The following ANGPTL2 variants were observed in gnomAD, a reference collection of about 807,000 sequenced individuals.
The protein encoded by ANGPTL2 is angiopoietin-related protein 2.
In ANGPTL2, 25 loss-of-function variants were observed where a neutral mutation model predicts 52.8. The observed-to-expected ratio is 0.47, with a 90% confidence interval of 0.35 to 0.66. The LOEUF (loss-of-function observed/expected upper bound fraction) is 0.66, where lower values mean the gene tolerates loss of function less well. Ranked by LOEUF, ANGPTL2 falls within the 30% of genes least tolerant of loss-of-function variation. The probability of loss-of-function intolerance (pLI) is 0.01; values close to 1 mark genes in which losing one functional copy is unlikely to be tolerated. For missense variants in ANGPTL2, 546 were observed against 656.9 expected (o/e 0.83, Z 1.84); for synonymous variants, 276 against 277.4 (o/e 1.00, Z 0.05).
At chr9:127,101,269 G>A (rs1171227492) in intron 2 of ANGPTL2, among the ~76,000 whole-genome samples, 1 of 152,228 alleles carries the variant, frequency 6.6e-6, no homozygotes, top group Non-Finnish European at 1.5e-5. Context: ...GCACCTGTGA[G>A]AAAGCCAGGG....
Position 127,093,804 on chromosome 9 carries a change from C to T in ANGPTL2, c.940G>A (p.Gly314Arg), listed in dbSNP as rs1331228081. Reference protein sequence around the residue: ...QVWCDQRHDPGGWTVIQRRLD... With the variant: ...QVWCDQRHDPRGWTVIQRRLD... ...CGTCTCTGGATGACGGTCCAGCCCC[C>T]GGGGTCGTGTCTCTGGTCGCACCAC... is the stretch of plus-strand genomic sequence containing the variant. The change falls in exon 3 of 5, where the codon GGG (glycine) becomes AGG (arginine). Residue 314 changes from glycine (G) to arginine (R), a missense_variant. Coordinates refer to ENST00000373425, the MANE Select transcript of ANGPTL2 (RefSeq NM_012098.3). 27 of 1,613,926 alleles carry T rather than the reference C, an allele frequency of 1.7e-5. No individual in the cohort carries two copies. The Admixed American group carries it at 2.0e-4, about 12-fold the overall frequency.
At position 127,108,224 on chromosome 9, in the gene ANGPTL2, G is replaced by C; in HGVS notation, c.508C>G (p.Leu170Val). ...TCCTTGTACTTGCTGGCCAGCTGCAGCATGTCGGCTGTCTGGTTCAGGATC... is the reference window on the plus strand; with the variant it reads ...TCCTTGTACTTGCTGGCCAGCTGCACCATGTCGGCTGTCTGGTTCAGGATC... ...NRILNQTADM[L>V]QLASKYKDLE... Residue 170 changes from leucine (L) to valine (V), a missense_variant, in exon 2 of 5, where the codon CTG becomes GTG. By Grantham distance (32) the Leu-to-Val change is conservative (BLOSUM62 1). Coordinates refer to ENST00000373425, the MANE Select transcript of ANGPTL2 (RefSeq NM_012098.3). The C allele has an allele frequency of 2.5e-6, 4 of 1,614,076 alleles. No homozygotes were observed. The highest frequency in any genetic ancestry group is 3.4e-6 in the Non-Finnish European group (4 of 1,180,012).
intron 1 of ANGPTL2, among the ~76,000 whole-genome samples, chr9:127,118,559 A>G (rs1295604213): frequency 6.6e-6 from 1 of 152,200 alleles, no homozygotes; most frequent in Admixed American, 6.5e-5. Flanking sequence ...TGGCCCATGC[A>G]TGGAGAGACC....
In ANGPTL2 at chr9:127,093,927, C is replaced by T. The variant is rs776594639; in HGVS notation, c.818-1G>A. The T allele has an allele frequency of 6.2e-7, 1 of 1,613,474 alleles. No individual in the cohort carries two copies. Among genetic ancestry groups the T allele is most frequent in the Non-Finnish European group, 8.5e-7 (1 of 1,179,964 alleles). On this transcript the variant is annotated splice_acceptor_variant, in intron 2 of 4. Transcript: ENST00000373425. LOFTEE classifies it high-confidence loss of function. ...GCCTGCAGGCAGTCTCTCCATGGGC[C>T]TGGGGACACAGACATGCATATACAT...
At chr9:127,119,278 G>C (rs1010179934) in intron 1 of ANGPTL2, among the ~76,000 whole-genome samples, 1 of 152,204 alleles carries the variant, frequency 6.6e-6, no homozygotes, top group Admixed American at 6.5e-5. Flanking sequence ...CTTCCATGAA[G>C]AGCAAGGGAT....
intron 2 of ANGPTL2, among the ~76,000 whole-genome samples, chr9:127,098,342 C>T (rs1213841769): frequency 1.3e-5 from 2 of 152,224 alleles, no homozygotes; most frequent in Non-Finnish European, 2.9e-5. Context: ...CTGCCCAGAG[C>T]ATCAGGCCAA....
chr9:127,102,966 G>C (rs2053878449), intron 2 of ANGPTL2, among the ~76,000 whole-genome samples: 1 of 152,214 alleles, frequency 6.6e-6, no homozygotes, highest in South Asian at 2.1e-4. Flanking sequence ...GACCTTGAAG[G>C]CTGACTCAGG....
intron 4 of ANGPTL2, 100 bp from the exon 5 acceptor site, chr9:127,089,238 CTG>C: frequency 6.9e-6 from 9 of 1,306,252 alleles, no homozygotes; most frequent in Non-Finnish European, 7.6e-6. Context: ...TGGGAGGCAT[CTG>C]GAGCAAGAAC....
At position 127,091,234 on chromosome 9, in the gene ANGPTL2, G is replaced by A. The variant is rs555699083; in HGVS notation, c.1282+436C>T. On this transcript the variant is annotated intron_variant, in intron 4 of 4. Coordinates refer to ENST00000373425, the MANE Select transcript of ANGPTL2 (RefSeq NM_012098.3). The surrounding 1 kb of genome is among the most constrained non-coding windows in gnomAD (Gnocchi z 4.3). ...AGAAACTGAGACCCACGGAGATTTA[G>A]CAGTATGCCCAAGGACACATGGCTG... 1.3e-5 allele frequency among the ~76,000 whole-genome samples: 2 copies of A among 152,366 alleles called. No individual in the cohort carries two copies. The highest frequency in any genetic ancestry group is 1.3e-4 in the Admixed American group (2 of 15,310).
At position 127,121,924 on chromosome 9, in the gene ANGPTL2, A is replaced by C. The variant is rs1379109245; in HGVS notation, c.-50+391T>G. ...TCCAAAGCTTCAAAGTGACTACCCA[A>C]GTCCTTGGGCCACCCCTGCCTTCTG... On this transcript the variant is annotated intron_variant, in intron 1 of 4. Coordinates refer to ENST00000373425, the MANE Select transcript of ANGPTL2 (RefSeq NM_012098.3). Among the ~76,000 whole-genome samples, 3 of 152,172 alleles carry C rather than the reference A, an allele frequency of 2.0e-5. No individual in the cohort carries two copies. In the East Asian group the frequency reaches 5.8e-4, roughly 29 times the overall value.
At position 127,108,698 on chromosome 9, in the gene ANGPTL2, C is replaced by T. The variant is rs143835595; in HGVS notation, c.34G>A (p.Gly12Arg). ...RPLCVTCWWL[G>R]LLAAMGAVAG... is the part of the protein sequence containing the mutation. Reference sequence around the variant, plus strand: ...ACAGCTCCCATGGCAGCCAGCAGTCCGAGCCACCAGCATGTCACGCACAGT... The same window carrying T: ...ACAGCTCCCATGGCAGCCAGCAGTCTGAGCCACCAGCATGTCACGCACAGT... Residue 12 changes from glycine to arginine, a missense_variant, in exon 2 of 5, where the codon GGA becomes AGA. Around this residue, in one of 2 missense-constraint regions of ANGPTL2, gnomAD observed 285 missense variants for 295.8 expected, o/e 0.96. Transcript: ENST00000373425. The T allele has an allele frequency of 5.1e-5, 82 of 1,612,398 alleles. No individual in the cohort carries two copies. Among genetic ancestry groups the T allele is most frequent in the South Asian group, 1.6e-4 (15 of 90,982 alleles).
At chr9:127,099,515 C>T (rs1175748530) in intron 2 of ANGPTL2, among the ~76,000 whole-genome samples, 6 of 152,160 alleles carry the variant, frequency 3.9e-5, no homozygotes, top group African/African-American at 1.4e-4. Flanking sequence ...AGGTGAGAGT[C>T]CCACCCAGGC....
At chr9:127,096,721 G>A (rs573327459) in intron 2 of ANGPTL2, among the ~76,000 whole-genome samples, 1 of 152,342 alleles carries the variant, frequency 6.6e-6, no homozygotes, top group East Asian at 1.9e-4. Context: ...TCAGAAAAAT[G>A]CACAGACTCA....
intron 2 of ANGPTL2, among the ~76,000 whole-genome samples, chr9:127,103,568 G>GT (rs2136928205): frequency 6.6e-6 from 1 of 152,318 alleles, no homozygotes; most frequent in Non-Finnish European, 1.5e-5. Flanking sequence ...CTTCAGTTGG[G>GT]TCCATTTGCT....
At chr9:127,103,373 G>A (rs1311835291) in intron 2 of ANGPTL2, among the ~76,000 whole-genome samples, 1 of 152,128 alleles carries the variant, frequency 6.6e-6, no homozygotes, top group African/African-American at 2.4e-5. Flanking sequence ...AGCAATGTGG[G>A]GACCTCCTCA....
At chr9:127,113,076 TG>T (rs1284853734) in intron 1 of ANGPTL2, among the ~76,000 whole-genome samples, 1 of 152,102 alleles carries the variant, frequency 6.6e-6, no homozygotes, top group African/African-American at 2.4e-5. Flanking sequence ...CTAGGCTTAG[TG>T]GGGGTGACTC....
At chr9:127,112,404 AG>A (rs2054922304) in intron 1 of ANGPTL2, among the ~76,000 whole-genome samples, 1 of 152,272 alleles carries the variant, frequency 6.6e-6, no homozygotes, top group Non-Finnish European at 1.5e-5. Context: ...CACCTGAGGC[AG>A]TGGGTGACAG....
At chr9:127,103,780 CTAGAAGGTCAGGAAGTAGAGA>C (rs1195183783) in intron 2 of ANGPTL2, among the ~76,000 whole-genome samples, 3 of 152,136 alleles carry the variant, frequency 2.0e-5, no homozygotes, top group African/African-American at 4.8e-5. Flanking sequence ...GGAAGTAGAG[CTAGAAGGTCAGGAAGTAGAGA>C]TAGAAGGTCA....
Position 127,088,676 on chromosome 9 carries a change from A to G in ANGPTL2, c.*263T>C, listed in dbSNP as rs1464203277. ...TGTTTTTATTGTAGAGACTTAATTT[A>G]TTTAAAGAAAGAGTTGTCTGTAGTC... On this transcript the variant is annotated 3_prime_UTR_variant, in exon 5 of 5. Coordinates refer to ENST00000373425, the MANE Select transcript of ANGPTL2 (RefSeq NM_012098.3). The G allele has an allele frequency of 1.9e-6, 1 of 515,786 alleles. No homozygotes were observed. The highest frequency in any genetic ancestry group is 3.5e-6 in the Non-Finnish European group (1 of 288,080). The allele number at this position is 515,786 out of a possible 1,614,324, so 32.0% of individuals were successfully genotyped here.
Sources: allele counts gnomAD v4.1 joint callset (sites outside exome capture counted in the v4.1 genomes callset), GRCh38; gene constraint gnomAD v4.1.1; regional missense constraint gnomAD v4.1.1; non-coding constraint Gnocchi (gnomAD v3.1); transcripts MANE v1.5; gene names NCBI Gene and HGNC (gene_info 2026-07-23, HGNC 2026-07-21).